The following NOL10 variants were observed in gnomAD, a reference collection of about 807,000 sequenced individuals.
NOL10 encodes the protein nucleolar protein 10, also known as H_NH0074G24.1.
In NOL10, 58 loss-of-function variants were observed where a neutral mutation model predicts 103.5. The ratio of observed to expected loss-of-function variants is 0.56; its 90% CI spans 0.45 to 0.70. NOL10 has a LOEUF of 0.70. NOL10 is among the 30% of genes least tolerant of loss of function. The pLI is 0.00. For synonymous variants in NOL10, 287 were observed against 282.5 expected (o/e 1.02, Z -0.16); for missense variants, 763 against 807.3 (o/e 0.95, Z 0.67).
rs1558270672 is a variant in NOL10 at position 10,587,208 on chromosome 2, T to TATAC, written c.1844+1834_1844+1835insGTAT. Among the ~76,000 whole-genome samples, 9 of 37,608 alleles carry TATAC rather than the reference T, an allele frequency of 2.4e-4. 1 individual carries two copies. The South Asian group carries it at 4.3e-3, about 18-fold the overall frequency. The allele number at this position is 37,608 out of a possible 152,430, so 24.7% of individuals were successfully genotyped here. ...ATATATATACACATATATATACACA[T>TATAC]ATATATATACATATATATACATATA... On this transcript the variant is annotated intron_variant, in intron 19 of 20. Transcript: ENST00000381685.
At chr2:10,647,112 T>C (rs1310116682) in intron 12 of NOL10, among the ~76,000 whole-genome samples, 1 of 152,222 alleles carries the variant, frequency 6.6e-6, no homozygotes, top group Non-Finnish European at 1.5e-5. Flanking sequence ...TATACATTTT[T>C]AAAGGAAGGA....
chr2:10,630,153 A>G lies in NOL10; in HGVS notation c.1026+14167T>C, dbSNP rs1023782488. ...GGACCCCGTGAATTCTGTTCATTAC[A>G]AGAAATCAGCTGAACATGAGAAATG... On this transcript the variant is annotated intron_variant, in intron 13 of 20. Transcript: ENST00000381685. Among the ~76,000 whole-genome samples the G allele has an allele frequency of 4.6e-5, 7 of 152,336 alleles. No homozygotes were observed. The South Asian group carries it at 1.2e-3, about 27-fold the overall frequency.
In NOL10 at chr2:10,649,721, C is replaced by G. The variant is rs373852308; in HGVS notation, c.973+4760G>C. Among the ~76,000 whole-genome samples the G allele has an allele frequency of 3.9e-5, 6 of 152,254 alleles. No homozygotes were observed. The East Asian group carries it at 1.2e-3, about 29-fold the overall frequency. On this transcript the variant is annotated intron_variant, in intron 12 of 20. Coordinates refer to ENST00000381685, the MANE Select transcript of NOL10 (RefSeq NM_024894.4). Reference sequence around the variant, plus strand: ...CAAACTGTCTCTGTAAAGGGCCAGGCAGTACACACTTCAGGCTCTGCAGCC... The same window carrying G: ...CAAACTGTCTCTGTAAAGGGCCAGGGAGTACACACTTCAGGCTCTGCAGCC...
At chr2:10,683,243 A>G (rs1681908089) in intron 2 of NOL10, among the ~76,000 whole-genome samples, 1 of 152,210 alleles carries the variant, frequency 6.6e-6, no homozygotes. Context: ...CATATGTGAC[A>G]AGCTATAATG....
intron 2 of NOL10, among the ~76,000 whole-genome samples, chr2:10,683,818 G>A (rs1268410982): frequency 1.3e-5 from 2 of 152,196 alleles, no homozygotes; most frequent in African/African-American, 4.8e-5. Flanking sequence ...TGATGTTCAT[G>A]CTATCTACTG....
At chr2:10,633,365 A>C (rs1374877807) in intron 13 of NOL10, among the ~76,000 whole-genome samples, 1 of 151,796 alleles carries the variant, frequency 6.6e-6, no homozygotes, top group Non-Finnish European at 1.5e-5. Flanking sequence ...TCTAATTTTA[A>C]ATTTCTTATC....
chr2:10,666,864 G>C (rs976998127), intron 8 of NOL10, among the ~76,000 whole-genome samples: 3 of 152,104 alleles, frequency 2.0e-5, no homozygotes, highest in African/African-American at 7.2e-5. Context: ...TTACCTCTGG[G>C]GTGTAGGATT....
rs540904393 is a variant in NOL10, at chr2:10,639,290, C to T, written c.1026+5030G>A. ...ACAAAAAATTAGCTGGGCGTGGCAG[C>T]GTGCGCCTATAGTCCCAGCTGCTGG... On this transcript the variant is annotated intron_variant, in intron 13 of 20. Coordinates refer to ENST00000381685, the MANE Select transcript of NOL10 (RefSeq NM_024894.4). 5.3e-5 allele frequency among the ~76,000 whole-genome samples: 8 copies of T among 152,172 alleles called. No individual in the cohort carries two copies. The South Asian group carries it at 1.5e-3, about 28-fold the overall frequency.
At chr2:10,583,094 TGA>T in intron 19 of NOL10, among the ~76,000 whole-genome samples, 1 of 152,190 alleles carries the variant, frequency 6.6e-6, no homozygotes, top group South Asian at 2.1e-4. Context: ...CTCCCTTCCC[TGA>T]GACACGCTCC....
intron 6 of NOL10, among the ~76,000 whole-genome samples, 197 bp from the exon 7 acceptor site, chr2:10,668,920 T>C (rs1680729802): frequency 6.6e-6 from 1 of 152,152 alleles, no homozygotes; most frequent in South Asian, 2.1e-4. Flanking sequence ...ACCATTCATG[T>C]GCCAAGGAAA....
intron 13 of NOL10, among the ~76,000 whole-genome samples, chr2:10,617,643 G>C (rs1676904002): frequency 6.6e-6 from 1 of 152,168 alleles, no homozygotes; most frequent in Non-Finnish European, 1.5e-5. Flanking sequence ...AAAGTTGCCA[G>C]AGAACTCATC....
At chr2:10,573,707 C>T (rs1674305799) in intron 20 of NOL10, among the ~76,000 whole-genome samples, 1 of 148,810 alleles carries the variant, frequency 6.7e-6, no homozygotes, top group South Asian at 2.1e-4. Flanking sequence ...AGTTCTTAAA[C>T]CGGGTTTCTG....
intron 20 of NOL10, among the ~76,000 whole-genome samples, chr2:10,573,378 G>A (rs1674285749): frequency 6.6e-6 from 1 of 152,134 alleles, no homozygotes; most frequent in Non-Finnish European, 1.5e-5. Flanking sequence ...ATTTTTAGTA[G>A]AGATGGGGTT....
At chr2:10,652,192 A>G (rs1679512208) in intron 12 of NOL10, among the ~76,000 whole-genome samples, 1 of 151,476 alleles carries the variant, frequency 6.6e-6, no homozygotes, top group Admixed American at 6.6e-5. Flanking sequence ...GTGAGCTGAG[A>G]TTGCGCCACT....
At chr2:10,597,448 G>A (rs1268727768) in intron 17 of NOL10, among the ~76,000 whole-genome samples, 1 of 152,136 alleles carries the variant, frequency 6.6e-6, no homozygotes, top group Non-Finnish European at 1.5e-5. Flanking sequence ...GAGTTCAAAG[G>A]CGAGACTAAT....
intron 6 of NOL10, among the ~76,000 whole-genome samples, chr2:10,671,176 C>T (rs991972811): frequency 6.6e-5 from 10 of 152,190 alleles, no homozygotes; most frequent in Middle Eastern, 3.4e-3. Context: ...AGAAGATAAA[C>T]AGATAAATAA....
chr2:10,575,549 G>A (rs1449800206), intron 20 of NOL10, among the ~76,000 whole-genome samples: 1 of 152,144 alleles, frequency 6.6e-6, no homozygotes, highest in African/African-American at 2.4e-5. Flanking sequence ...GCCATTTAAA[G>A]CAATTCTTAA....
At chr2:10,589,489 C>T (rs1004126204) in intron 18 of NOL10, 89 bp downstream of exon 18, 4 of 1,214,162 alleles carry the variant, frequency 3.3e-6, no homozygotes, top group African/African-American at 1.5e-5. Flanking sequence ...AATTACATCT[C>T]AAGTATAATC....
chr2:10,629,546 C>G (rs1434154918), intron 13 of NOL10, among the ~76,000 whole-genome samples: 4 of 152,172 alleles, frequency 2.6e-5, no homozygotes, highest in Non-Finnish European at 4.4e-5. Flanking sequence ...TTCTACTCAT[C>G]TGTATTTGCC....
Sources: allele counts gnomAD v4.1 joint callset (sites outside exome capture counted in the v4.1 genomes callset), GRCh38; gene constraint gnomAD v4.1.1; transcripts MANE v1.5; gene names NCBI Gene and HGNC (gene_info 2026-07-23, HGNC 2026-07-21).